The following ADGRL3 variants were observed in gnomAD, a reference collection of about 807,000 sequenced individuals.
ADGRL3 encodes calcium-independent alpha-latrotoxin receptor 3.
Under a neutral mutation model 153.5 loss-of-function variants are expected in ADGRL3, and 62 were observed. The observed-to-expected ratio is 0.40, with a 90% confidence interval of 0.33 to 0.50. The LOEUF (loss-of-function observed/expected upper bound fraction) is 0.50. Among genes scored for constraint, ADGRL3 ranks in the 20% least tolerant of loss-of-function variants. The probability of loss-of-function intolerance (pLI) is 0.47; values close to 1 mark genes in which losing one functional copy is unlikely to be tolerated. For synonymous variants in ADGRL3, 710 were observed against 672.5 expected (o/e 1.06, Z -0.86); for missense variants, 1,641 against 1,859.4 (o/e 0.88, Z 2.16).
At chr4:61,904,785 G>GA (rs2098687681) in intron 11 of ADGRL3, among the ~76,000 whole-genome samples, 1 of 152,016 alleles carries the variant, frequency 6.6e-6, no homozygotes, top group Non-Finnish European at 1.5e-5. Context: ...ATCGATAGAT[G>GA]TAATTAAAGT....
At chr4:61,251,247 G>A (rs1331979455) in intron 1 of ADGRL3, among the ~76,000 whole-genome samples, 1 of 152,146 alleles carries the variant, frequency 6.6e-6, no homozygotes, top group Non-Finnish European at 1.5e-5. Context: ...TCACTCACAC[G>A]CCTGGTTTCT....
intron 9 of ADGRL3, among the ~76,000 whole-genome samples, chr4:61,873,926 T>C (rs1424563605): frequency 6.6e-6 from 1 of 152,034 alleles, no homozygotes; most frequent in Non-Finnish European, 1.5e-5. Flanking sequence ...AAGAAAAGAA[T>C]TGTGTGGCCT....
intron 1 of ADGRL3, among the ~76,000 whole-genome samples, chr4:61,351,321 C>A (rs936502361): frequency 1.3e-5 from 2 of 152,134 alleles, no homozygotes; most frequent in Admixed American, 1.3e-4. Context: ...GGAAAGAAGC[C>A]ATCTCCATAA....
chr4:61,308,268 A>G (rs142276973), intron 1 of ADGRL3, among the ~76,000 whole-genome samples: 130 of 152,290 alleles, frequency 8.5e-4, no homozygotes, highest in African/African-American at 2.9e-3. Flanking sequence ...AGCAAACACC[A>G]GGAGGAGGGA....
intron 8 of ADGRL3, among the ~76,000 whole-genome samples, chr4:61,748,022 A>G (rs2096693501): frequency 6.6e-6 from 1 of 151,892 alleles, no homozygotes; most frequent in Admixed American, 6.6e-5. Context: ...TCAGGATACA[A>G]AATCAATGTA....
At chr4:61,326,901 A>G (rs780370016) in intron 1 of ADGRL3, among the ~76,000 whole-genome samples, 57 of 151,946 alleles carry the variant, frequency 3.8e-4, no homozygotes, top group Non-Finnish European at 7.2e-4. Flanking sequence ...ATTGATGCTA[A>G]GAGTTATTAT....
intron 8 of ADGRL3, among the ~76,000 whole-genome samples, chr4:61,750,194 A>C (rs1254107521): frequency 1.3e-5 from 2 of 151,066 alleles, no homozygotes; most frequent in Middle Eastern, 3.4e-3. Context: ...AAAAAAAAAA[A>C]AAAAAAAAAA....
intron 1 of ADGRL3, among the ~76,000 whole-genome samples, chr4:61,249,556 G>A (rs1343362383): frequency 1.5e-5 from 1 of 65,394 alleles, no homozygotes. Flanking sequence ...GGAAACAAAG[G>A]AAACAAACAG....
intron 8 of ADGRL3, among the ~76,000 whole-genome samples, chr4:61,799,889 C>G (rs1209601195): frequency 6.6e-6 from 1 of 151,974 alleles, no homozygotes; most frequent in East Asian, 1.9e-4. Context: ...AAAAAATATC[C>G]TCACCACAAT....
intron 4 of ADGRL3, among the ~76,000 whole-genome samples, chr4:61,584,635 A>C (rs1043514429): frequency 2.6e-5 from 4 of 151,998 alleles, no homozygotes; most frequent in African/African-American, 4.8e-5. Context: ...AGATGAATCC[A>C]ATGTTTGGAA....
intron 2 of ADGRL3, among the ~76,000 whole-genome samples, chr4:61,418,159 A>T (rs934340079): frequency 3.9e-5 from 6 of 152,222 alleles, no homozygotes; most frequent in African/African-American, 1.4e-4. Flanking sequence ...TTCATGTAAG[A>T]TTGCTACCCA....
intron 8 of ADGRL3, among the ~76,000 whole-genome samples, chr4:61,763,993 T>A (rs539652894): frequency 6.6e-6 from 1 of 152,192 alleles, no homozygotes; most frequent in Non-Finnish European, 1.5e-5. Flanking sequence ...ACCAACCATA[T>A]TAAACTAATC....
intron 17 of ADGRL3, among the ~76,000 whole-genome samples, chr4:61,959,406 A>G (rs2098979636): frequency 1.3e-5 from 2 of 152,114 alleles, no homozygotes; most frequent in Non-Finnish European, 2.9e-5. Flanking sequence ...GATCTTTATT[A>G]TCTTTAAAAG....
At chr4:61,631,844 G>T (rs567466951) in intron 5 of ADGRL3, among the ~76,000 whole-genome samples, 34 of 151,654 alleles carry the variant, frequency 2.2e-4, no homozygotes, top group Non-Finnish European at 5.0e-4. Flanking sequence ...AGCCAGGATG[G>T]TCTTAATCTC....
chr4:61,701,383 G>A (rs2095755464), intron 6 of ADGRL3, among the ~76,000 whole-genome samples: 1 of 149,092 alleles, frequency 6.7e-6, no homozygotes, highest in Non-Finnish European at 1.5e-5. Context: ...AATCAAGTAA[G>A]TTTATAAGAC....
chr4:61,530,416 A>G (rs530647131), intron 4 of ADGRL3, among the ~76,000 whole-genome samples: 1 of 151,996 alleles, frequency 6.6e-6, no homozygotes, highest in South Asian at 2.1e-4. Flanking sequence ...TTCACAGAGT[A>G]TATGGATATT....
At chr4:61,203,233 T>G (rs1033283832) in intron 1 of ADGRL3, among the ~76,000 whole-genome samples, 2 of 152,206 alleles carry the variant, frequency 1.3e-5, no homozygotes, top group African/African-American at 2.4e-5. Flanking sequence ...CTGCTTTTAT[T>G]TATGGCCAGA....
chr4:61,372,602 G>A (rs2096548704), intron 1 of ADGRL3, among the ~76,000 whole-genome samples: 1 of 152,176 alleles, frequency 6.6e-6, no homozygotes, highest in African/African-American at 2.4e-5. Context: ...ATCTCCAGCT[G>A]CGTGCTGGGA....
At chr4:61,708,902 TG>T (rs753602851) in intron 6 of ADGRL3, among the ~76,000 whole-genome samples, 16 of 152,056 alleles carry the variant, frequency 1.1e-4, no homozygotes, top group Admixed American at 9.8e-4. Flanking sequence ...CTCTGCCTCC[TG>T]GGTTCAAGTG....
Sources: allele counts gnomAD v4.1 joint callset (sites outside exome capture counted in the v4.1 genomes callset), GRCh38; gene constraint gnomAD v4.1.1; transcripts MANE v1.5; gene names NCBI Gene and HGNC (gene_info 2026-07-23, HGNC 2026-07-21).